Variants in ATP6V0D2 observed in about 807,000 individuals in gnomAD.
ATP6V0D2 encodes ATPase H+ transporting V0 subunit d2.
In ATP6V0D2, 40 loss-of-function variants were observed where a neutral mutation model predicts 40.0. The ratio of observed to expected loss-of-function variants is 1.00; its 90% CI spans 0.78 to 1.30. ATP6V0D2 has a LOEUF of 1.30. ATP6V0D2 is among the 50% of genes most tolerant of loss of function. The pLI is 0.00. For missense variants in ATP6V0D2, 470 were observed against 423.1 expected (o/e 1.11, Z -0.97); for synonymous variants, 179 against 156.3 (o/e 1.15, Z -1.08).
chr8:86,151,637 C>A, intron 7 of ATP6V0D2, 97 bp downstream of exon 7: 1 of 894,130 alleles, frequency 1.1e-6, no homozygotes, highest in Non-Finnish European at 1.7e-6. Flanking sequence ...GCTGATCATG[C>A]CAATTGATTA....
At chr8:86,107,311 A>G (rs1169986669) in intron 1 of ATP6V0D2, among the ~76,000 whole-genome samples, 2 of 152,178 alleles carry the variant, frequency 1.3e-5, no homozygotes, top group East Asian at 1.9e-4. Context: ...GATGGGGAGT[A>G]TATCAGTTAG....
At chr8:86,145,233 A>G (rs12678269) in intron 5 of ATP6V0D2, among the ~76,000 whole-genome samples, 36 of 38,456 alleles carry the variant, frequency 9.4e-4, no homozygotes, top group East Asian at 3.7e-3. Context: ...GAAAGAAAGA[A>G]AGAGAGAGAG....
At chr8:86,141,552 T>A (rs763006086) in intron 4 of ATP6V0D2, 23 bp downstream of exon 4, 16 of 1,531,316 alleles carry the variant, frequency 1.0e-5, no homozygotes, top group Non-Finnish European at 1.1e-5. Flanking sequence ...CCAAATATTG[T>A]CTTTTTCTTG....
At chr8:86,108,189 C>T (rs1818491584) in intron 1 of ATP6V0D2, among the ~76,000 whole-genome samples, 1 of 152,108 alleles carries the variant, frequency 6.6e-6, no homozygotes, top group African/African-American at 2.4e-5. Context: ...TTTCCTGAGC[C>T]AGAGTGCAGT....
In ATP6V0D2 at chr8:86,139,644, A is replaced by T. The variant is rs775945154; in HGVS notation, c.481+9A>T. 2 of 1,553,298 alleles carry T rather than the reference A, an allele frequency of 1.3e-6. No homozygotes were observed. The highest frequency in any genetic ancestry group is 1.7e-6 in the Non-Finnish European group (2 of 1,150,502). On this transcript the variant is annotated intron_variant, in intron 3 of 7. Transcript: ENST00000285393. ...GATCGAAACGCCATTAGGTAGGAAC[A>T]CTTAGGTAATTTTGTAGCTGCTTGT...
Position 86,105,616 on chromosome 8 carries a change from C to CTTTTTTTTTTT in ATP6V0D2, c.130+6512_130+6513insTTTTTTTTTTT, listed in dbSNP as rs1401385712. On this transcript the variant is annotated intron_variant, in intron 1 of 7. Transcript: ENST00000285393. ...TGCCTAGCCTGTAAACTTCTTTTTT[C>CTTTTTTTTTTT]TTTTCTTTTTTTTTTTTTTTGAGAT... 3.9e-4 allele frequency among the ~76,000 whole-genome samples: 51 copies of CTTTTTTTTTTT among 131,198 alleles called. 3 individuals carry two copies. The highest frequency in any genetic ancestry group is 4.8e-4 in the Non-Finnish European group (30 of 62,484). 86.1% of individuals were successfully genotyped at this position (131,198 alleles called of 152,430 possible). A position where few individuals can be genotyped will look rare whatever the true frequency, so the allele number is the denominator to read the frequency against.
Position 86,098,993 on chromosome 8 carries a change from G to A in ATP6V0D2, c.15G>A (p.Ala5=), listed in dbSNP as rs201771660. The change falls in exon 1 of 8, where the codon GCG becomes GCA. Residue 5 remains alanine (A), a synonymous_variant. Coordinates refer to ENST00000285393, the MANE Select transcript of ATP6V0D2 (RefSeq NM_152565.1). ...TCTCTTCCCCCATGCTCGAAGGTGC[G>A]GAGCTGTACTTCAACGTGGACCATG... MLEG[A]ELYFNVDHGY... 2.2e-5 allele frequency: 35 copies of A among 1,613,942 alleles called. No homozygotes were observed. The highest frequency in any genetic ancestry group is 1.3e-4 in the Admixed American group (8 of 59,978).
At chr8:86,100,644 T>C (rs1449909247) in intron 1 of ATP6V0D2, among the ~76,000 whole-genome samples, 6 of 152,172 alleles carry the variant, frequency 3.9e-5, no homozygotes, top group Admixed American at 1.3e-4. Context: ...CCCCAAATCC[T>C]AAGTCACTTC....
intron 1 of ATP6V0D2, among the ~76,000 whole-genome samples, chr8:86,105,797 G>A (rs1377550159): frequency 1.3e-5 from 2 of 151,712 alleles, no homozygotes; most frequent in Non-Finnish European, 2.9e-5. Context: ...TATATTTTTA[G>A]TAGAGATGGG....
In ATP6V0D2 at chr8:86,113,762, A is replaced by C. The variant is rs766876666; in HGVS notation, c.184A>C (p.Thr62Pro). 2 of 1,613,412 alleles carry C rather than the reference A, an allele frequency of 1.2e-6. No individual in the cohort carries two copies. Among genetic ancestry groups the C allele is most frequent in the Admixed American group, 3.3e-5 (2 of 59,902 alleles). Residue 62 changes from threonine (T) to proline (P), a missense_variant, in exon 2 of 8, where the codon ACA becomes CCA. Transcript: ENST00000285393. The stretch of plus-strand genomic sequence containing the variant: ...TTATGGTAACTTTTTGGCTAATCAC[A>C]CAAATCCTCTTACTGTTTCCAAAAT... ...TDYGNFLANH[T>P]NPLTVSKIDT...
intron 2 of ATP6V0D2, among the ~76,000 whole-genome samples, chr8:86,131,145 A>G (rs372657456): frequency 3.3e-5 from 5 of 152,154 alleles, no homozygotes; most frequent in Admixed American, 6.5e-5. Flanking sequence ...ATATTTAATT[A>G]TATATTATAT....
Position 86,152,839 on chromosome 8 carries a change from C to T in ATP6V0D2, c.915C>T (p.Phe305=). The change falls in exon 8 of 8, where the codon TTC becomes TTT. Residue 305 remains phenylalanine, a synonymous_variant. Transcript: ENST00000285393. ...AGGTACAAATGAATGTGCTGGCATT[C>T]AACAGACAGTTCCACTACGGTGTGT... is the stretch of plus-strand genomic sequence containing the variant. ...EREVQMNVLA[F]NRQFHYGVFY... 1 of 1,598,722 alleles carries T rather than the reference C, an allele frequency of 6.3e-7. No individual in the cohort carries two copies. The highest frequency in any genetic ancestry group is 8.5e-7 in the Non-Finnish European group (1 of 1,175,610).
At chr8:86,152,504 C>T (rs1015976668) in intron 7 of ATP6V0D2, among the ~76,000 whole-genome samples, 1 of 152,238 alleles carries the variant, frequency 6.6e-6, no homozygotes, top group African/African-American at 2.4e-5. Context: ...GCCACACTAT[C>T]TTCCACAATG....
Position 86,139,481 on chromosome 8 carries a change from G to A in ATP6V0D2, c.327G>A (p.Val109=), listed in dbSNP as rs759985620. Residue 109 remains valine (V), a synonymous_variant, in exon 3 of 8, where the codon GTG becomes GTA. Coordinates refer to ENST00000285393, the MANE Select transcript of ATP6V0D2 (RefSeq NM_152565.1). ...GGTGCAGTTATATGATAGACAATGT[G>A]ATTCTGCTGATGAATGGTGCATTGC... The part of the protein sequence containing the change: ...YMTCSYMIDN[V]ILLMNGALQK... The A allele has an allele frequency of 1.9e-6, 3 of 1,612,042 alleles. No homozygotes were observed. In the African/African-American group the frequency reaches 4.0e-5, roughly 22 times the overall value.
intron 7 of ATP6V0D2, among the ~76,000 whole-genome samples, chr8:86,152,391 C>T (rs1338169600): frequency 6.6e-6 from 1 of 152,116 alleles, no homozygotes; most frequent in Non-Finnish European, 1.5e-5. Flanking sequence ...CATATGTGTG[C>T]AGGTGTCTTT....
intron 5 of ATP6V0D2, 62 bp from the exon 6 acceptor site, chr8:86,150,050 A>G (rs763201900): frequency 5.3e-5 from 78 of 1,458,110 alleles, no homozygotes; most frequent in Non-Finnish European, 7.2e-5. Flanking sequence ...TGTGCACTTA[A>G]GAGTCTGTTT....
intron 2 of ATP6V0D2, among the ~76,000 whole-genome samples, chr8:86,117,248 C>A (rs1818602270): frequency 1.3e-5 from 2 of 152,070 alleles, no homozygotes; most frequent in Admixed American, 1.3e-4. Context: ...TTTTATTGTA[C>A]CCTGTTTAGA....
In ATP6V0D2 at chr8:86,153,016, TA is replaced by T; in HGVS notation, c.*43del. Reference sequence around the variant, plus strand: ...CTCAAATGTAGAAAATTATAAATGTTAAAAGGAAGTTATTGAAGAAAATAAA... The same window carrying T: ...CTCAAATGTAGAAAATTATAAATGTTAAAGGAAGTTATTGAAGAAAATAAA... On this transcript the variant is annotated 3_prime_UTR_variant, in exon 8 of 8. Transcript: ENST00000285393. 1.3e-6 allele frequency: 2 copies of T among 1,494,728 alleles called. No homozygotes were observed. The highest frequency in any genetic ancestry group is 1.4e-5 in the South Asian group (1 of 73,394). The allele number at this position is 1,494,728 out of a possible 1,614,324, so 92.6% of individuals were successfully genotyped here. A position where few individuals can be genotyped will look rare whatever the true frequency, so the allele number is the denominator to read the frequency against.
intron 2 of ATP6V0D2, among the ~76,000 whole-genome samples, chr8:86,125,668 G>A (rs1818731235): frequency 6.6e-6 from 1 of 151,972 alleles, no homozygotes; most frequent in Non-Finnish European, 1.5e-5. Flanking sequence ...AGAGCCCAGA[G>A]GTAACCACTC....
Sources: gnomAD v4.1 joint callset for allele counts (sites outside exome capture counted in the v4.1 genomes callset) on GRCh38, gnomAD v4.1.1 for gene constraint, MANE v1.5 for transcripts, NCBI Gene and HGNC (gene_info 2026-07-23, HGNC 2026-07-21) for gene names.